Variants in SLC35A4 observed in about 807,000 individuals in gnomAD.
SLC35A4 encodes probable UDP-sugar transporter protein SLC35A4.
A neutral mutation model predicts 18.8 loss-of-function variants in SLC35A4; 9 were observed. The observed-to-expected ratio is 0.48, with a 90% CI of 0.29 to 0.83. The LOEUF (loss-of-function observed/expected upper bound fraction) is 0.83. SLC35A4 is among the 40% of genes least tolerant of loss of function. The pLI, the probability that SLC35A4 is intolerant of heterozygous loss-of-function variation, is 0.09. For missense variants in SLC35A4, 404 were observed against 415.5 expected (o/e 0.97, Z 0.24); for synonymous variants, 189 against 191.9 (o/e 0.98, Z 0.13).
At chr5:140,565,764 A>G (rs189525872) in intron 1 of SLC35A4, 109 bp from the exon 2 acceptor site, 1 of 396,298 alleles carries the variant, frequency 2.5e-6, no homozygotes, top group East Asian at 3.6e-5. Flanking sequence ...TTTATAGGAA[A>G]AGGTCTTTCT....
At position 140,569,050 on chromosome 5, in the gene SLC35A4, G is replaced by C. The variant is rs562027468; in HGVS notation, c.*906G>C. ...GTCTCTTTAACTGCATAAGCAATAA[G>C]ATCTTAATAAAGTCTTCTAGGCTGT... On this transcript the variant is annotated 3_prime_UTR_variant, in exon 3 of 3. Coordinates refer to ENST00000323146, the MANE Select transcript of SLC35A4 (RefSeq NM_080670.4). The C allele has an allele frequency of 6.0e-6, 1 of 167,200 alleles. No individual in the cohort carries two copies. The highest frequency in any genetic ancestry group is 2.4e-5 in the African/African-American group (1 of 41,554). The allele number at this position is 167,200 out of a possible 1,614,324, so 10.4% of individuals were successfully genotyped here.
At chr5:140,565,185 G>A (rs909956748) in intron 1 of SLC35A4, 3 of 332,244 alleles carry the variant, frequency 9.0e-6, no homozygotes, top group Non-Finnish European at 1.6e-5. Flanking sequence ...GTGACACGAT[G>A]TTTCCAATCA....
chr5:140,566,834 A>G lies in SLC35A4; in HGVS notation c.-336A>G, dbSNP rs946901095. ...TGGAGACACTTTATCTGGATTCCCC[A>G]GCTGTCATCCATTTGCTATCTCCAA... On this transcript the variant is annotated 5_prime_UTR_variant, in exon 3 of 3. Coordinates refer to ENST00000323146, the MANE Select transcript of SLC35A4 (RefSeq NM_080670.4). 1 of 605,548 alleles carries G rather than the reference A, an allele frequency of 1.7e-6. No individual in the cohort carries two copies. The highest frequency in any genetic ancestry group is 2.9e-6 in the Non-Finnish European group (1 of 339,968). The allele number at this position is 605,548 out of a possible 1,614,324, so 37.5% of individuals were successfully genotyped here.
At chr5:140,566,024 C>G (rs757097844) in intron 2 of SLC35A4, 53 bp downstream of exon 2, 1 of 398,558 alleles carries the variant, frequency 2.5e-6, no homozygotes, top group African/African-American at 2.1e-5. Context: ...CCAACATGCT[C>G]TTGAGAGTGT....
chr5:140,567,820 G>C lies in SLC35A4; in HGVS notation c.651G>C (p.Leu217=), dbSNP rs1321165430. The change falls in exon 3 of 3, where the codon CTG becomes CTC. Residue 217 remains leucine, a synonymous_variant. Transcript: ENST00000323146. The part of the protein sequence containing the change: ...ELLMKRQRLP[L]ALQNLFLYTF... ...TCATGAAGCGACAGCGGCTGCCCCT[G>C]GCACTTCAGAACCTCTTCCTCTACA... 6.2e-7 allele frequency: 1 copy of C among 1,614,048 alleles called. No individual in the cohort carries two copies. Among genetic ancestry groups the C allele is most frequent in the Non-Finnish European group, 8.5e-7 (1 of 1,180,032 alleles).
In SLC35A4 at chr5:140,567,817, C is replaced by G. The variant is rs1390743848; in HGVS notation, c.648C>G (p.Pro216=). 1 of 1,614,074 alleles carries G rather than the reference C, an allele frequency of 6.2e-7. No homozygotes were observed. The highest frequency in any genetic ancestry group is 8.5e-7 in the Non-Finnish European group (1 of 1,180,044). ...TELLMKRQRL[P]LALQNLFLYT... ...TGCTCATGAAGCGACAGCGGCTGCCCCTGGCACTTCAGAACCTCTTCCTCT... is the reference window on the plus strand; with the variant it reads ...TGCTCATGAAGCGACAGCGGCTGCCGCTGGCACTTCAGAACCTCTTCCTCT... The change falls in exon 3 of 3, where the codon CCC becomes CCG. Residue 216 remains proline (P), a synonymous_variant. Coordinates refer to ENST00000323146, the MANE Select transcript of SLC35A4 (RefSeq NM_080670.4).
Position 140,568,420 on chromosome 5 carries a change from T to G in SLC35A4, c.*276T>G. ...GACTAAAGAATTAAGGTAACATCAATACCTAGGCCTGAGAAATAACCCCAT... is the reference window on the plus strand; with the variant it reads ...GACTAAAGAATTAAGGTAACATCAAGACCTAGGCCTGAGAAATAACCCCAT... On this transcript the variant is annotated 3_prime_UTR_variant, in exon 3 of 3. Coordinates refer to ENST00000323146, the MANE Select transcript of SLC35A4 (RefSeq NM_080670.4). 3 of 506,574 alleles carry G rather than the reference T, an allele frequency of 5.9e-6. No homozygotes were observed. The highest frequency in any genetic ancestry group is 7.3e-6 in the Non-Finnish European group (2 of 273,044). The allele number at this position is 506,574 out of a possible 1,614,324, so 31.4% of individuals were successfully genotyped here. A position where few individuals can be genotyped will look rare whatever the true frequency, so the allele number is the denominator to read the frequency against.
intron 1 of SLC35A4, 176 bp downstream of exon 1, chr5:140,565,034 G>A: frequency 2.5e-6 from 1 of 398,056 alleles, no homozygotes; most frequent in Non-Finnish European, 4.4e-6. Flanking sequence ...AGCATTCGGC[G>A]AGGCGGGAGG....
Position 140,567,663 on chromosome 5 carries a change from G to A in SLC35A4, c.494G>A (p.Gly165Glu), listed in dbSNP as rs201884231. 31 of 1,613,902 alleles carry A rather than the reference G, an allele frequency of 1.9e-5. No individual in the cohort carries two copies. The highest frequency in any genetic ancestry group is 4.0e-5 in the African/African-American group (3 of 74,928). The change falls in exon 3 of 3, where the codon GGG becomes GAG. Residue 165 changes from glycine to glutamate, a missense_variant. Physicochemically the swap from Gly to Glu is moderately conservative, Grantham distance 98 (BLOSUM62 -2). Transcript: ENST00000323146. ...CYAAGGLQVP[G>E]NTLPSPPPAA... ...GCAGCAGGGGGCCTTCAAGTTCCCGGGAACACCCTTCCCAGTCCCCCTCCA... is the reference window on the plus strand; with the variant it reads ...GCAGCAGGGGGCCTTCAAGTTCCCGAGAACACCCTTCCCAGTCCCCCTCCA...
In SLC35A4 at chr5:140,567,895, C is replaced by T. The variant is rs1320112012; in HGVS notation, c.726C>T (p.Gly242=). 6 of 1,614,174 alleles carry T rather than the reference C, an allele frequency of 3.7e-6. No homozygotes were observed. The highest frequency in any genetic ancestry group is 5.1e-6 in the Non-Finnish European group (6 of 1,180,020). Residue 242 remains glycine, a synonymous_variant, in exon 3 of 3, where the codon GGC becomes GGT. Coordinates refer to ENST00000323146, the MANE Select transcript of SLC35A4 (RefSeq NM_080670.4). ...NLGLHAGGGS[G]PGLLEGFSGW... is the part of the protein sequence containing the mutation. ...GTCTGCATGCTGGCGGCGGCTCTGGCCCAGGCCTCCTGGAAGGTTTCTCAG... is the reference window on the plus strand; with the variant it reads ...GTCTGCATGCTGGCGGCGGCTCTGGTCCAGGCCTCCTGGAAGGTTTCTCAG...
chr5:140,567,934 CGTG>C lies in SLC35A4; in HGVS notation c.769_771del (p.Val257del), dbSNP rs1755234288. 2 of 1,614,198 alleles carry C rather than the reference CGTG, an allele frequency of 1.2e-6. No individual in the cohort carries two copies. Among genetic ancestry groups the C allele is most frequent in the Non-Finnish European group, 1.7e-6 (2 of 1,180,032 alleles). On this transcript the variant is annotated inframe_deletion, in exon 3 of 3. Transcript: ENST00000323146. ...AAGGTTTCTCAGGATGGGCAGCACTCGTGGTGCTGAGCCAGGCACTAAATGGAC... is the reference window on the plus strand; with the variant it reads ...AAGGTTTCTCAGGATGGGCAGCACTCGTGCTGAGCCAGGCACTAAATGGAC...
At position 140,567,946 on chromosome 5, in the gene SLC35A4, C is replaced by T; in HGVS notation, c.777C>T (p.Ser259=). 1.5e-5 allele frequency: 25 copies of T among 1,614,206 alleles called. No homozygotes were observed. Among genetic ancestry groups the T allele is most frequent in the Non-Finnish European group, 2.1e-5 (25 of 1,180,052 alleles). Residue 259 remains serine, a synonymous_variant, in exon 3 of 3, where the codon AGC becomes AGT. Coordinates refer to ENST00000323146, the MANE Select transcript of SLC35A4 (RefSeq NM_080670.4). ...FSGWAALVVL[S]QALNGLLMSA... Reference sequence around the variant, plus strand: ...GATGGGCAGCACTCGTGGTGCTGAGCCAGGCACTAAATGGACTGCTCATGT... The same window carrying T: ...GATGGGCAGCACTCGTGGTGCTGAGTCAGGCACTAAATGGACTGCTCATGT...
rs368323800 is a variant in SLC35A4, at chr5:140,568,184, T to A, written c.*40T>A. ...CACCCTGATTCCGGACCCTGTAGATTGGGCGCCACCACCAGATCCCCCTCC... is the reference window on the plus strand; with the variant it reads ...CACCCTGATTCCGGACCCTGTAGATAGGGCGCCACCACCAGATCCCCCTCC... On this transcript the variant is annotated 3_prime_UTR_variant, in exon 3 of 3. Coordinates refer to ENST00000323146, the MANE Select transcript of SLC35A4 (RefSeq NM_080670.4). 635 of 1,613,282 alleles carry A rather than the reference T, an allele frequency of 3.9e-4. 1 individual carries two copies. Among genetic ancestry groups the A allele is most frequent in the Middle Eastern group, 1.3e-3 (8 of 6,062 alleles).
Position 140,568,746 on chromosome 5 carries a change from C to CACCT in SLC35A4, c.*604_*607dup, listed in dbSNP as rs1316490163. ...GCCCTCTCCACAGTGCTGCTCCCCA[C>CACCT]ACCTAGCCTTTGTTCTGGAAACCCC... On this transcript the variant is annotated 3_prime_UTR_variant, in exon 3 of 3. Coordinates refer to ENST00000323146, the MANE Select transcript of SLC35A4 (RefSeq NM_080670.4). 1 of 168,394 alleles carries CACCT rather than the reference C, an allele frequency of 5.9e-6. No homozygotes were observed. Among genetic ancestry groups the CACCT allele is most frequent in the Non-Finnish European group, 1.4e-5 (1 of 69,012 alleles). 10.4% of individuals were successfully genotyped at this position (168,394 alleles called of 1,614,324 possible).
chr5:140,567,244 A>T lies in SLC35A4; in HGVS notation c.75A>T (p.Leu25=), dbSNP rs764433490. Residue 25 remains leucine, a synonymous_variant, in exon 3 of 3, where the codon CTA becomes CTT. Transcript: ENST00000323146. ...RQARWTLMLL[L]STAMYGAHAP... is the part of the protein sequence containing the mutation. ...CCCGCTGGACCCTGATGCTACTCCT[A>T]TCCACTGCCATGTACGGTGCCCATG... 20 of 1,614,120 alleles carry T rather than the reference A, an allele frequency of 1.2e-5. No homozygotes were observed. In the East Asian group the frequency reaches 4.5e-4, roughly 36 times the overall value.
chr5:140,565,263 C>G (rs1289723282), intron 1 of SLC35A4: 3 of 195,880 alleles, frequency 1.5e-5, no homozygotes, highest in Non-Finnish European at 3.1e-5. Context: ...TACTTATATG[C>G]GATCAAAATC....
intron 1 of SLC35A4, 137 bp from the exon 2 acceptor site, chr5:140,565,735 AC>A: frequency 2.5e-6 from 1 of 394,364 alleles, no homozygotes; most frequent in Middle Eastern, 6.3e-4. Flanking sequence ...TTTCTTTGCC[AC>A]TGCCATCTCA....
chr5:140,567,472 C>A lies in SLC35A4; in HGVS notation c.303C>A (p.Asn101Lys). Reference protein sequence around the residue: ...LSALLYGANNNLVIYLQRYMD... With the variant: ...LSALLYGANNKLVIYLQRYMD... ...CCCTGCTCTATGGCGCTAACAACAA[C>A]CTGGTGATCTATCTTCAGCGTTACA... is the stretch of plus-strand genomic sequence containing the variant. Residue 101 changes from asparagine (N) to lysine (K), a missense_variant, in exon 3 of 3, where the codon AAC becomes AAA. Coordinates refer to ENST00000323146, the MANE Select transcript of SLC35A4 (RefSeq NM_080670.4). The A allele has an allele frequency of 6.2e-7, 1 of 1,614,158 alleles. No individual in the cohort carries two copies. Among genetic ancestry groups the A allele is most frequent in the Non-Finnish European group, 8.5e-7 (1 of 1,180,036 alleles).
Position 140,567,312 on chromosome 5 carries a change from T to G in SLC35A4, c.143T>G (p.Phe48Cys). The G allele has an allele frequency of 6.2e-7, 1 of 1,614,158 alleles. No homozygotes were observed. Among genetic ancestry groups the G allele is most frequent in the South Asian group, 1.1e-5 (1 of 91,088 alleles). Residue 48 changes from phenylalanine (F) to cysteine (C), a missense_variant, in exon 3 of 3, where the codon TTC becomes TGC. Phe to Cys is a radical substitution (Grantham distance 205, BLOSUM62 -2). Coordinates refer to ENST00000323146, the MANE Select transcript of SLC35A4 (RefSeq NM_080670.4). ...TGCCATGTGGACGGCCGAGTGCCCT[T>G]CCGGCCCTCCTCAGCCGTGCTGCTG... ...ALCHVDGRVP[F>C]RPSSAVLLTE...
Sources: allele counts gnomAD v4.1 joint callset, GRCh38; gene constraint gnomAD v4.1.1; transcripts MANE v1.5; gene names NCBI Gene and HGNC (gene_info 2026-07-23, HGNC 2026-07-21).